Variants in ATIC observed in about 807,000 individuals in gnomAD.
ATIC encodes bifunctional purine biosynthesis protein ATIC.
ATIC carries 64 observed loss-of-function variants against 72.5 expected under a neutral mutation model. The observed-to-expected ratio is 0.88, with a 90% CI of 0.72 to 1.09. The LOEUF (loss-of-function observed/expected upper bound fraction) is 1.09, where lower values mean the gene tolerates loss of function less well. Among genes scored for constraint, ATIC ranks in the 50% least tolerant of loss-of-function variants. The pLI, the probability that ATIC is intolerant of heterozygous loss-of-function variation, is 0.00. For synonymous variants in ATIC, 281 were observed against 267.1 expected, an observed-to-expected ratio of 1.05 and a Z score of -0.51; for missense variants, 787 against 732.4, an observed-to-expected ratio of 1.07 and a Z score of -0.86.
At chr2:215,327,236 G>T (rs558647230) in intron 7 of ATIC, among the ~76,000 whole-genome samples, 32 of 152,334 alleles carry the variant, frequency 2.1e-4, no homozygotes, top group Admixed American at 1.5e-3. Flanking sequence ...GAAGACATGA[G>T]ACAGGATGGG....
At chr2:215,338,487 A>G (rs75450213) in intron 11 of ATIC, among the ~76,000 whole-genome samples, 2,255 of 152,326 alleles carry the variant, frequency 0.015, 50 homozygotes, top group African/African-American at 0.051. Context: ...AACATGTTGT[A>G]TATAGGTTGT....
chr2:215,337,224 G>GA (rs1559276316), intron 11 of ATIC, among the ~76,000 whole-genome samples: 1 of 151,754 alleles, frequency 6.6e-6, no homozygotes, highest in East Asian at 1.9e-4. Context: ...TCATAGTATT[G>GA]ATATCAGAAC....
chr2:215,319,866 AGCATTTTGGTT>A, intron 4 of ATIC, 135 bp downstream of exon 4: 1 of 764,662 alleles, frequency 1.3e-6, no homozygotes, highest in Non-Finnish European at 2.2e-6. Flanking sequence ...TATGTGTGTA[AGCATTTTGGTT>A]TGGCCAGATT....
the ATIC span, among the ~76,000 whole-genome samples, chr2:215,360,084 G>A: frequency 3.9e-5 from 6 of 152,030 alleles, no homozygotes; most frequent in South Asian, 4.2e-4. Flanking sequence ...GACCAAAGAC[G>A]CCCACTGCCA....
intron 2 of ATIC, among the ~76,000 whole-genome samples, chr2:215,313,266 T>TGCA (rs1275360605): frequency 6.6e-6 from 1 of 152,192 alleles, no homozygotes; most frequent in African/African-American, 2.4e-5. Context: ...TTCAGTTACT[T>TGCA]TGACTGGTGA....
At chr2:215,317,749 A>G (rs1015707657) in intron 2 of ATIC, among the ~76,000 whole-genome samples, 13 of 152,146 alleles carry the variant, frequency 8.5e-5, no homozygotes, top group Non-Finnish European at 1.9e-4. Context: ...TCAGCCTTCC[A>G]AAGTGCTGGG....
the ATIC span, chr2:215,365,787 A>T: frequency 2.5e-6 from 1 of 405,636 alleles, no homozygotes; most frequent in East Asian, 4.3e-5. Context: ...CATTTATTTT[A>T]TTTATTTATT....
chr2:215,312,300 G>T, intron 1 of ATIC, 139 bp downstream of exon 1: 4 of 1,447,052 alleles, frequency 2.8e-6, no homozygotes, highest in Non-Finnish European at 2.7e-6. Flanking sequence ...CTCCCCGGCC[G>T]GGCCGCAGCC....
At chr2:215,344,545 G>A (rs148126844) in intron 12 of ATIC, among the ~76,000 whole-genome samples, 1 of 152,034 alleles carries the variant, frequency 6.6e-6, no homozygotes, top group Non-Finnish European at 1.5e-5. Flanking sequence ...ACAAAAATTA[G>A]CCAGGCATGG....
In ATIC at chr2:215,335,973, AT is replaced by A. The variant is rs746498678; in HGVS notation, c.1009-55del. On this transcript the variant is annotated intron_variant, in intron 10 of 15. Coordinates refer to ENST00000236959, the MANE Select transcript of ATIC (RefSeq NM_004044.7). ...ATTTAAGACTGATAATTGCTGCTAG[AT>A]TTTTTTAAGAGGTGTTCTCTGATTT... The A allele has an allele frequency of 3.0e-6, 4 of 1,341,524 alleles. No individual in the cohort carries two copies. In the South Asian group the frequency reaches 3.7e-5, roughly 12 times the overall value. 83.1% of individuals were successfully genotyped at this position (1,341,524 alleles called of 1,614,324 possible).
chr2:215,322,520 C>T (rs958827247), intron 4 of ATIC, among the ~76,000 whole-genome samples: 3 of 150,836 alleles, frequency 2.0e-5, no homozygotes, highest in Non-Finnish European at 3.0e-5. Context: ...TTAGTAGAGA[C>T]GGGGTTTCTC....
Position 215,349,234 on chromosome 2 carries a change from A to G in ATIC, c.1644A>G (p.Val548=). The change falls in exon 15 of 16, where the codon GTA becomes GTG. Residue 548 remains valine (V), a synonymous_variant. Coordinates refer to ENST00000236959, the MANE Select transcript of ATIC (RefSeq NM_004044.7). The part of the protein sequence containing the change: ...SDAFFPFRDN[V]DRAKRSGVAY... Reference sequence around the variant, plus strand: ...CCTTCTTCCCTTTCCGAGATAACGTAGACAGAGCTAAAAGGGTAAGTATGG... The same window carrying G: ...CCTTCTTCCCTTTCCGAGATAACGTGGACAGAGCTAAAAGGGTAAGTATGG... The G allele has an allele frequency of 6.2e-7, 1 of 1,614,180 alleles. No homozygotes were observed. The highest frequency in any genetic ancestry group is 8.5e-7 in the Non-Finnish European group (1 of 1,180,026).
At chr2:215,320,220 A>C (rs1001740811) in intron 4 of ATIC, among the ~76,000 whole-genome samples, 3 of 152,216 alleles carry the variant, frequency 2.0e-5, no homozygotes, top group African/African-American at 7.2e-5. Context: ...TGTTTCTCTT[A>C]AATATACGTA....
intron 12 of ATIC, 35 bp downstream of exon 12, chr2:215,338,942 A>G (rs770062421): frequency 1.4e-5 from 22 of 1,610,216 alleles, no homozygotes; most frequent in East Asian, 2.2e-5. Flanking sequence ...ACTGCTAGTA[A>G]CTTCCATTGG....
At chr2:215,365,011 A>C in the ATIC span, 1 of 1,415,938 alleles carries the variant, frequency 7.1e-7, no homozygotes, top group African/African-American at 1.4e-5. Flanking sequence ...AGACAGATGC[A>C]CGCATAAGCT....
rs1401975810 is a variant in ATIC at position 215,349,194 on chromosome 2, C to T, written c.1604C>T (p.Ser535Phe). 6.2e-7 allele frequency: 1 copy of T among 1,614,200 alleles called. No homozygotes were observed. Among genetic ancestry groups the T allele is most frequent in the South Asian group, 1.1e-5 (1 of 91,082 alleles). The change falls in exon 15 of 16, where the codon TCT (serine) becomes TTT (phenylalanine). Residue 535 changes from serine (S) to phenylalanine (F), a missense_variant. Transcript: ENST00000236959. ...TGGGTTGAGAAACTGACTGAAGTTT[C>T]TATCAGCTCTGATGCCTTCTTCCCT... is the stretch of plus-strand genomic sequence containing the variant. ...KEWVEKLTEV[S>F]ISSDAFFPFR... is the part of the protein sequence containing the mutation.
chr2:215,323,574 G>T (rs2052792530), intron 4 of ATIC, among the ~76,000 whole-genome samples: 1 of 152,114 alleles, frequency 6.6e-6, no homozygotes, highest in Admixed American at 6.5e-5. Context: ...CGGCTTTGCT[G>T]AACTCATTTA....
intron 2 of ATIC, among the ~76,000 whole-genome samples, chr2:215,314,335 A>G (rs1459676702): frequency 6.6e-6 from 1 of 152,132 alleles, no homozygotes; most frequent in Non-Finnish European, 1.5e-5. Flanking sequence ...TTGCAGTGGT[A>G]TTTTATTCAG....
chr2:215,364,764 G>A, the ATIC span: 1 of 728,416 alleles, frequency 1.4e-6, no homozygotes, highest in Non-Finnish European at 2.4e-6. Flanking sequence ...CAGGAAATGT[G>A]GTATTTTAAT....
Sources: allele counts gnomAD v4.1 joint callset (sites outside exome capture counted in the v4.1 genomes callset), GRCh38; gene constraint gnomAD v4.1.1; transcripts MANE v1.5; gene names NCBI Gene and HGNC (gene_info 2026-07-23, HGNC 2026-07-21).